GPC6: variants seen among roughly 807,000 people sequenced by gnomAD.
The protein encoded by GPC6 is glypican-6.
A neutral mutation model predicts 55.2 loss-of-function variants in GPC6; 14 were observed. That is an observed-to-expected ratio of 0.25 (90% CI 0.17 to 0.40). GPC6 has a LOEUF of 0.40. Ranked by LOEUF, GPC6 falls within the 10% of genes least tolerant of loss-of-function variation. The probability of loss-of-function intolerance (pLI) is 1.00; values close to 1 mark genes in which losing one functional copy is unlikely to be tolerated. For synonymous variants in GPC6, 278 were observed against 259.6 expected (o/e 1.07, Z -0.68); for missense variants, 641 against 708.5 (o/e 0.90, Z 1.08).
intron 3 of GPC6, among the ~76,000 whole-genome samples, chr13:93,849,343 A>G (rs1465614823): frequency 4.6e-5 from 7 of 152,094 alleles, no homozygotes; most frequent in Non-Finnish European, 1.0e-4. Flanking sequence ...CTAAAACCCT[A>G]CTTTCTCACA....
Position 93,231,373 on chromosome 13 carries a change from A to G in GPC6, c.160+3757A>G, listed in dbSNP as rs1487646058. ...TATATATATATACGTATATATATAT[A>G]TATATACATATATATATATATATGT... On this transcript the variant is annotated intron_variant, in intron 1 of 8. Coordinates refer to ENST00000377047, the MANE Select transcript of GPC6 (RefSeq NM_005708.5). Among the ~76,000 whole-genome samples the G allele has an allele frequency of 2.1e-3, 37 of 17,332 alleles. 1 individual carries two copies. In the South Asian group the frequency reaches 0.023, roughly 11 times the overall value. 11.4% of individuals were successfully genotyped at this position (17,332 alleles called of 152,430 possible).
chr13:94,145,305 G>C (rs1887522782), intron 4 of GPC6, among the ~76,000 whole-genome samples: 1 of 152,064 alleles, frequency 6.6e-6, no homozygotes, highest in Non-Finnish European at 1.5e-5. Flanking sequence ...TTTTACATTA[G>C]TATAATGTTT....
At chr13:93,479,239 A>T (rs1243337869) in intron 1 of GPC6, among the ~76,000 whole-genome samples, 1 of 152,176 alleles carries the variant, frequency 6.6e-6, no homozygotes, top group African/African-American at 2.4e-5. Context: ...AGGAACTAAG[A>T]ACCAGATCCA....
At chr13:93,249,721 G>A (rs1254319067) in intron 1 of GPC6, among the ~76,000 whole-genome samples, 1 of 152,178 alleles carries the variant, frequency 6.6e-6, no homozygotes, top group Non-Finnish European at 1.5e-5. Flanking sequence ...ACAGCCATGC[G>A]GGTGAGTCAT....
chr13:93,246,789 C>CAAAA (rs767827311), intron 1 of GPC6, among the ~76,000 whole-genome samples: 4 of 40,846 alleles, frequency 9.8e-5, no homozygotes, highest in African/African-American at 3.0e-4. Flanking sequence ...AAGACTGTCT[C>CAAAA]AAAAAAAAAA....
intron 4 of GPC6, among the ~76,000 whole-genome samples, chr13:94,254,980 G>A (rs935324645): frequency 6.6e-6 from 1 of 152,124 alleles, no homozygotes; most frequent in Non-Finnish European, 1.5e-5. Flanking sequence ...ACAAAGAGAT[G>A]TTATCAAAGG....
At chr13:93,231,367 A>ATATATG (rs1566533402) in intron 1 of GPC6, among the ~76,000 whole-genome samples, 3 of 17,786 alleles carry the variant, frequency 1.7e-4, no homozygotes, top group African/African-American at 8.7e-4. Flanking sequence ...ATACGTATAT[A>ATATATG]TATATATATA....
At chr13:93,908,681 CCAGAGAATGTGACCCTCT>C (rs1322383276) in intron 3 of GPC6, among the ~76,000 whole-genome samples, 3 of 152,174 alleles carry the variant, frequency 2.0e-5, no homozygotes, top group Non-Finnish European at 2.9e-5. Context: ...CTGTATGGCT[CCAGAGAATGTGACCCTCT>C]CAGAAATTCT....
chr13:93,921,123 C>T (rs866404205), intron 3 of GPC6, among the ~76,000 whole-genome samples: 1 of 152,172 alleles, frequency 6.6e-6, no homozygotes. Context: ...AAAAGTCACT[C>T]TAGGCATGCT....
At chr13:93,793,781 A>G (rs930544046) in intron 2 of GPC6, among the ~76,000 whole-genome samples, 1 of 152,160 alleles carries the variant, frequency 6.6e-6, no homozygotes, top group African/African-American at 2.4e-5. Flanking sequence ...TTGCAAGATG[A>G]TTTTCTTAGT....
At chr13:94,099,265 T>A (rs1391217398) in intron 4 of GPC6, among the ~76,000 whole-genome samples, 1 of 152,174 alleles carries the variant, frequency 6.6e-6, no homozygotes, top group Admixed American at 6.5e-5. Context: ...TTAAAAATAA[T>A]AAGTAGCTTT....
Position 93,720,246 on chromosome 13 carries a change from C to G in GPC6, c.320-109908C>G, listed in dbSNP as rs144096025. On this transcript the variant is annotated intron_variant, in intron 2 of 8. Transcript: ENST00000377047. ...GGCTATTACTGCCTCAATTTCAGAA[C>G]TTGTTATTGGTCTATTCAGGGATTT... Among the ~76,000 whole-genome samples, 284 of 152,078 alleles carry G rather than the reference C, an allele frequency of 1.9e-3. 1 individual carries two copies. Among genetic ancestry groups the G allele is most frequent in the African/African-American group, 6.3e-3 (262 of 41,516 alleles).
At chr13:93,229,614 A>G (rs1347363381) in intron 1 of GPC6, among the ~76,000 whole-genome samples, 2 of 152,136 alleles carry the variant, frequency 1.3e-5, no homozygotes, top group African/African-American at 4.8e-5. Context: ...TTCGGTGGAT[A>G]TTTAACTAAA....
intron 4 of GPC6, among the ~76,000 whole-genome samples, chr13:94,170,382 G>A (rs17196050): frequency 0.3 from 45,461 of 152,034 alleles, 7,215 homozygotes; most frequent in South Asian, 0.38. Context: ...CTCAGCCTCC[G>A]AAGGGTGCCA....
chr13:94,125,721 C>T (rs1212301093), intron 4 of GPC6, among the ~76,000 whole-genome samples: 1 of 146,436 alleles, frequency 6.8e-6, no homozygotes, highest in Non-Finnish European at 1.5e-5. Flanking sequence ...AATTTCTTGC[C>T]TTTTTTTTTT....
At chr13:93,490,202 C>T (rs1271249042) in intron 1 of GPC6, among the ~76,000 whole-genome samples, 5 of 151,432 alleles carry the variant, frequency 3.3e-5, no homozygotes, top group Non-Finnish European at 5.9e-5. Context: ...TGTCAAAGGC[C>T]TTTTCTGCCT....
At chr13:93,457,299 C>G (rs1422829704) in intron 1 of GPC6, among the ~76,000 whole-genome samples, 1 of 152,138 alleles carries the variant, frequency 6.6e-6, no homozygotes, top group Non-Finnish European at 1.5e-5. Flanking sequence ...CCACCCTACT[C>G]CACTATGACC....
At chr13:93,337,324 G>A (rs374033535) in intron 1 of GPC6, among the ~76,000 whole-genome samples, 6 of 152,234 alleles carry the variant, frequency 3.9e-5, no homozygotes, top group African/African-American at 1.4e-4. Context: ...TTGGCTCAAG[G>A]TTTTATACAA....
intron 4 of GPC6, among the ~76,000 whole-genome samples, chr13:94,070,972 T>C (rs1018629828): frequency 4.6e-5 from 7 of 152,202 alleles, no homozygotes; most frequent in African/African-American, 1.7e-4. Context: ...AATTGTGGCT[T>C]CCCAGAGTGC....
Sources: gnomAD v4.1 joint callset for allele counts (sites outside exome capture counted in the v4.1 genomes callset) on GRCh38, gnomAD v4.1.1 for gene constraint, MANE v1.5 for transcripts, NCBI Gene and HGNC (gene_info 2026-07-23, HGNC 2026-07-21) for gene names.